Variants in UBR3 observed in about 807,000 individuals in gnomAD.
The protein encoded by UBR3 is E3 ubiquitin-protein ligase UBR3.
Under a neutral mutation model 243.2 loss-of-function variants are expected in UBR3, and 85 were observed. The ratio of observed to expected loss-of-function variants is 0.35; its 90% confidence interval spans 0.29 to 0.42. The LOEUF (loss-of-function observed/expected upper bound fraction) is 0.42, where lower values mean the gene tolerates loss of function less well. UBR3 is among the 10% of genes least tolerant of loss of function. UBR3 has a pLI of 1.00. For missense variants in UBR3, 1,686 were observed against 2,300.8 expected (o/e 0.73, Z 5.47); for synonymous variants, 748 against 799.8 (o/e 0.94, Z 1.09).
intron 18 of UBR3, among the ~76,000 whole-genome samples, chr2:169,932,235 G>A (rs1005691916): frequency 1.3e-5 from 2 of 151,794 alleles, no homozygotes; most frequent in African/African-American, 2.4e-5. Context: ...GCGCCACCAC[G>A]CCTGGTTAAT....
intron 26 of UBR3, among the ~76,000 whole-genome samples, chr2:169,998,901 C>G (rs976444860): frequency 1.3e-5 from 2 of 152,170 alleles, no homozygotes; most frequent in African/African-American, 2.4e-5. Context: ...TATCATTCCT[C>G]TCTTGTAAAA....
At chr2:170,012,144 A>C (rs2090102069) in intron 29 of UBR3, among the ~76,000 whole-genome samples, 1 of 152,194 alleles carries the variant, frequency 6.6e-6, no homozygotes, top group Non-Finnish European at 1.5e-5. Context: ...CATGTTCAAA[A>C]TAAAAGGGAC....
At chr2:170,052,608 C>A (rs1271086431) in intron 32 of UBR3, among the ~76,000 whole-genome samples, 2 of 152,162 alleles carry the variant, frequency 1.3e-5, no homozygotes, top group Non-Finnish European at 2.9e-5. Context: ...AAGAGAAATA[C>A]TGCATGATCT....
chr2:170,036,349 C>T (rs1559206941), intron 31 of UBR3, among the ~76,000 whole-genome samples: 2 of 152,038 alleles, frequency 1.3e-5, no homozygotes, highest in East Asian at 1.9e-4. Flanking sequence ...CTTTGGTTCT[C>T]TTTTCTACAG....
At chr2:169,999,279 G>A (rs2089606637) in intron 26 of UBR3, among the ~76,000 whole-genome samples, 1 of 152,160 alleles carries the variant, frequency 6.6e-6, no homozygotes, top group Non-Finnish European at 1.5e-5. Flanking sequence ...ACAAAGATGA[G>A]CAGGCCTCCT....
At chr2:169,946,098 T>C in intron 20 of UBR3, among the ~76,000 whole-genome samples, 190 bp from the exon 21 acceptor site, 1 of 152,176 alleles carries the variant, frequency 6.6e-6, no homozygotes, top group East Asian at 1.9e-4. Flanking sequence ...TATTAAATTA[T>C]TTTATTAAAT....
At chr2:169,875,976 T>A in intron 3 of UBR3, 27 bp downstream of exon 3, 2 of 1,457,032 alleles carry the variant, frequency 1.4e-6, no homozygotes, top group Non-Finnish European at 1.8e-6. Flanking sequence ...AAGAAATTTA[T>A]AGTTTTCATA....
At chr2:169,959,756 G>A (rs1340752912) in intron 24 of UBR3, among the ~76,000 whole-genome samples, 1 of 151,966 alleles carries the variant, frequency 6.6e-6, no homozygotes, top group African/African-American at 2.4e-5. Context: ...TACAGTACCC[G>A]GTCTGAGGCT....
At chr2:169,949,188 A>G (rs1278183672) in intron 22 of UBR3, among the ~76,000 whole-genome samples, 1 of 152,020 alleles carries the variant, frequency 6.6e-6, no homozygotes, top group Non-Finnish European at 1.5e-5. Flanking sequence ...TTAAAAACTA[A>G]TTTATAATTT....
chr2:169,890,532 G>GATATATATATAT (rs1310193685), intron 5 of UBR3, among the ~76,000 whole-genome samples: 2 of 10,652 alleles, frequency 1.9e-4, no homozygotes, highest in African/African-American at 5.5e-4. Context: ...CTAGGAGAGA[G>GATATATATATAT]AGAGAGAGAT....
At chr2:169,975,804 A>T (rs1290296423) in intron 24 of UBR3, among the ~76,000 whole-genome samples, 1 of 152,070 alleles carries the variant, frequency 6.6e-6, no homozygotes, top group African/African-American at 2.4e-5. Context: ...TCTGTCTCTA[A>T]AAAAACAAAC....
chr2:169,944,076 A>C (rs1471243660), intron 20 of UBR3, among the ~76,000 whole-genome samples: 6 of 152,184 alleles, frequency 3.9e-5, no homozygotes, highest in Non-Finnish European at 7.4e-5. Context: ...CTTTTTCTTT[A>C]TTAAAAAATG....
rs187403236 is a variant in UBR3 at position 169,936,375 on chromosome 2, T to A, written c.2663+3367T>A. Among the ~76,000 whole-genome samples, 151 of 152,296 alleles carry A rather than the reference T, an allele frequency of 9.9e-4. No individual in the cohort carries two copies. In the East Asian group the frequency reaches 0.024, roughly 25 times the overall value. On this transcript the variant is annotated intron_variant, in intron 19 of 38. Coordinates refer to ENST00000272793, the MANE Select transcript of UBR3 (RefSeq NM_172070.4). ...TGCCTGGCCCAGAAACCAATTTTTTTAAATGCAAAGTTAATTTTATAGCAT... is the reference window on the plus strand; with the variant it reads ...TGCCTGGCCCAGAAACCAATTTTTTAAAATGCAAAGTTAATTTTATAGCAT...
At chr2:170,051,262 A>G (rs536123163) in intron 32 of UBR3, among the ~76,000 whole-genome samples, 10 of 152,214 alleles carry the variant, frequency 6.6e-5, no homozygotes, top group Non-Finnish European at 1.5e-4. Flanking sequence ...CTAAAACCAG[A>G]AATTAGTACT....
chr2:169,920,924 T>A (rs2085672954), intron 11 of UBR3, among the ~76,000 whole-genome samples: 1 of 152,150 alleles, frequency 6.6e-6, no homozygotes. Context: ...ACAAAAGGTG[T>A]TTTATGCAGG....
Position 170,029,315 on chromosome 2 carries a change from T to A in UBR3, c.4454-31T>A, listed in dbSNP as rs111580694. 1.0e-3 allele frequency: 1,591 copies of A among 1,560,362 alleles called. 12 individuals carry two copies. In the African/African-American group the frequency reaches 0.017, roughly 16 times the overall value. Reference sequence around the variant, plus strand: ...TTTGTTCTGTAACAAATGTGTGAACTTTCTAATTACCTTTTCTTCAATTTT... The same window carrying A: ...TTTGTTCTGTAACAAATGTGTGAACATTCTAATTACCTTTTCTTCAATTTT... On this transcript the variant is annotated intron_variant, in intron 30 of 38. Coordinates refer to ENST00000272793, the MANE Select transcript of UBR3 (RefSeq NM_172070.4).
chr2:169,846,322 AT>A (rs1230898452), intron 1 of UBR3, among the ~76,000 whole-genome samples: 1 of 152,084 alleles, frequency 6.6e-6, no homozygotes, highest in African/African-American at 2.4e-5. Context: ...ATTCCTGGCA[AT>A]ATTCCTTATT....
chr2:169,890,565 G>GTGTGTATATATATATACGTATATATA (rs1559064202), intron 5 of UBR3, among the ~76,000 whole-genome samples: 9 of 71,220 alleles, frequency 1.3e-4, no homozygotes. Context: ...ATATATATAT[G>GTGTGTATATATATATACGTATATATA]TGTATATATA....
chr2:169,961,388 A>T (rs1215799367), intron 24 of UBR3, among the ~76,000 whole-genome samples: 2 of 152,058 alleles, frequency 1.3e-5, no homozygotes, highest in Non-Finnish European at 2.9e-5. Flanking sequence ...TTGCTATGTT[A>T]CCCAGGCTGG....
Sources: gnomAD v4.1 joint callset for allele counts (sites outside exome capture counted in the v4.1 genomes callset) on GRCh38, gnomAD v4.1.1 for gene constraint, MANE v1.5 for transcripts, NCBI Gene and HGNC (gene_info 2026-07-23, HGNC 2026-07-21) for gene names.